Variants in CPSF3 observed in about 807,000 individuals in gnomAD.
The protein encoded by CPSF3 is cleavage and polyadenylation specificity factor subunit 3.
Under a neutral mutation model 84.1 loss-of-function variants are expected in CPSF3, and 57 were observed. The ratio of observed to expected loss-of-function variants is 0.68; its 90% confidence interval spans 0.55 to 0.85. The LOEUF (loss-of-function observed/expected upper bound fraction) is 0.85, where lower values mean the gene tolerates loss of function less well. Ranked by LOEUF, CPSF3 falls within the 40% of genes least tolerant of loss-of-function variation. The pLI, the probability that CPSF3 is intolerant of heterozygous loss-of-function variation, is 0.00. For synonymous variants in CPSF3, 275 were observed against 278.1 expected (o/e 0.99, Z 0.11); for missense variants, 522 against 838.8 (o/e 0.62, Z 4.66).
At chr2:9,469,326 C>T (rs1356600195) in intron 16 of CPSF3, among the ~76,000 whole-genome samples, 1 of 152,110 alleles carries the variant, frequency 6.6e-6, no homozygotes, top group Non-Finnish European at 1.5e-5. Context: ...CAACCCCCTC[C>T]CCACAGGCTA....
intron 1 of CPSF3, chr2:9,424,868 C>T (rs1199837964): frequency 6.6e-6 from 1 of 152,216 alleles, no homozygotes; most frequent in Non-Finnish European, 1.5e-5. Context: ...ACCTGAAGTC[C>T]ATTATCTACT....
chr2:9,440,399 G>T, intron 7 of CPSF3, 92 bp from the exon 8 acceptor site: 1 of 987,744 alleles, frequency 1.0e-6, no homozygotes, highest in South Asian at 1.7e-5. Flanking sequence ...GGTTGTATGT[G>T]TATCATTTCT....
At chr2:9,426,027 C>T (rs1680378530) in intron 1 of CPSF3, among the ~76,000 whole-genome samples, 1 of 152,210 alleles carries the variant, frequency 6.6e-6, no homozygotes, top group South Asian at 2.1e-4. Context: ...TCTCTGGCAT[C>T]TTTCATTTAG....
chr2:9,438,052 G>A (rs1680846671), intron 7 of CPSF3, among the ~76,000 whole-genome samples: 1 of 152,246 alleles, frequency 6.6e-6, no homozygotes, highest in South Asian at 2.1e-4. Context: ...TCACCTCTGT[G>A]CGAAGCACTA....
chr2:9,452,710 T>C (rs1681375801), intron 11 of CPSF3, among the ~76,000 whole-genome samples: 1 of 152,250 alleles, frequency 6.6e-6, no homozygotes, highest in Admixed American at 6.5e-5. Context: ...TCTGCCACTG[T>C]GACTCTTCCC....
intron 11 of CPSF3, among the ~76,000 whole-genome samples, chr2:9,450,530 A>G (rs1048642731): frequency 9.2e-5 from 14 of 152,180 alleles, no homozygotes; most frequent in African/African-American, 3.1e-4. Flanking sequence ...GCTCACGCCC[A>G]TAATCCCAGG....
chr2:9,447,218 G>A (rs912065126), intron 10 of CPSF3, among the ~76,000 whole-genome samples: 6 of 152,180 alleles, frequency 3.9e-5, no homozygotes, highest in Admixed American at 2.6e-4. Flanking sequence ...AGTGGCTCAC[G>A]CCTATAATCC....
At position 9,423,695 on chromosome 2, in the gene CPSF3, T is replaced by G. The variant is rs766580454; in HGVS notation, c.-79T>G. ...GTGAATGGGGTTCTTCCTTTTTTAT[T>G]TACCGGTGGCTGTGCTTCCAATTTA... On this transcript the variant is annotated 5_prime_UTR_variant, in exon 1 of 18. It adds an upstream start codon to the 5' untranslated region. Transcript: ENST00000238112. 58 of 1,555,432 alleles carry G rather than the reference T, an allele frequency of 3.7e-5. No individual in the cohort carries two copies. The highest frequency in any genetic ancestry group is 5.1e-5 in the Non-Finnish European group (58 of 1,142,510).
intron 11 of CPSF3, among the ~76,000 whole-genome samples, chr2:9,450,943 A>G (rs1443456554): frequency 6.6e-6 from 1 of 152,128 alleles, no homozygotes; most frequent in East Asian, 1.9e-4. Context: ...GTTACTCCTG[A>G]GTCTTACTGT....
intron 15 of CPSF3, among the ~76,000 whole-genome samples, chr2:9,462,232 A>G (rs1042209766): frequency 1.3e-5 from 2 of 152,128 alleles, no homozygotes; most frequent in Non-Finnish European, 2.9e-5. Flanking sequence ...TTCACTTCCT[A>G]TCTTAGTCTG....
intron 12 of CPSF3, among the ~76,000 whole-genome samples, chr2:9,453,977 A>G (rs1472108327): frequency 6.6e-6 from 1 of 152,190 alleles, no homozygotes; most frequent in Non-Finnish European, 1.5e-5. Flanking sequence ...ACATTTCCAT[A>G]TGCATTCTTT....
chr2:9,466,416 GCACACGCGCA>G (rs879318523), intron 15 of CPSF3, among the ~76,000 whole-genome samples: 1,803 of 140,962 alleles, frequency 0.013, 25 homozygotes, highest in Admixed American at 0.036. Flanking sequence ...GCGCACACAC[GCACACGCGCA>G]CACACGCGCA....
intron 16 of CPSF3, among the ~76,000 whole-genome samples, chr2:9,469,720 C>T (rs1682097832): frequency 6.6e-6 from 1 of 152,074 alleles, no homozygotes; most frequent in Non-Finnish European, 1.5e-5. Flanking sequence ...AGCTTCCATT[C>T]GGCCAGGAAT....
At chr2:9,434,666 G>A (rs1680714582) in intron 6 of CPSF3, among the ~76,000 whole-genome samples, 2 of 152,114 alleles carry the variant, frequency 1.3e-5, no homozygotes, top group South Asian at 4.1e-4. Flanking sequence ...CTAACTTATC[G>A]TTTTGTTTAT....
At chr2:9,428,895 C>T (rs1680483436) in intron 2 of CPSF3, 67 bp downstream of exon 2, 1 of 915,872 alleles carries the variant, frequency 1.1e-6, no homozygotes, top group South Asian at 1.4e-5. Flanking sequence ...AGTCTTTTCT[C>T]ATAGACTAGT....
intron 10 of CPSF3, among the ~76,000 whole-genome samples, chr2:9,446,787 G>A (rs1006223030): frequency 2.6e-5 from 4 of 151,794 alleles, no homozygotes; most frequent in Non-Finnish European, 5.9e-5. Context: ...TTGTAAGATA[G>A]AAGTTACAAA....
At chr2:9,448,028 G>T (rs1318892870) in intron 10 of CPSF3, among the ~76,000 whole-genome samples, 170 bp from the exon 11 acceptor site, 1 of 152,170 alleles carries the variant, frequency 6.6e-6, no homozygotes, top group East Asian at 1.9e-4. Context: ...ATGAATATGT[G>T]TATACAAGTT....
chr2:9,466,251 CACACACGCACACAAAG>C (rs1440528138), intron 15 of CPSF3, among the ~76,000 whole-genome samples: 22 of 96,442 alleles, frequency 2.3e-4, no homozygotes, highest in South Asian at 1.4e-3. Flanking sequence ...CACGCACGCG[CACACACGCACACAAAG>C]ACGCACGCAC....
chr2:9,430,531 G>GT (rs1200335901), intron 3 of CPSF3, among the ~76,000 whole-genome samples: 2 of 152,110 alleles, frequency 1.3e-5, no homozygotes, highest in Non-Finnish European at 2.9e-5. Flanking sequence ...CACTAATAAA[G>GT]TTTTTTGCTG....
Sources: gnomAD v4.1 joint callset for allele counts (sites outside exome capture counted in the v4.1 genomes callset) on GRCh38, gnomAD v4.1.1 for gene constraint, MANE v1.5 for transcripts, NCBI Gene and HGNC (gene_info 2026-07-23, HGNC 2026-07-21) for gene names.